Variants in RUNDC3B observed in about 807,000 individuals in gnomAD.
RUNDC3B encodes the protein RUN domain-containing protein 3B.
Under a neutral mutation model 58.4 loss-of-function variants are expected in RUNDC3B, and 33 were observed. The ratio of observed to expected loss-of-function variants is 0.56; its 90% CI spans 0.43 to 0.75. The LOEUF (loss-of-function observed/expected upper bound fraction) is 0.75. RUNDC3B is among the 30% of genes least tolerant of loss of function. The pLI is 0.00. For synonymous variants in RUNDC3B, 193 were observed against 195.2 expected, an observed-to-expected ratio of 0.99 and a Z score of 0.10; for missense variants, 501 against 535.7, an observed-to-expected ratio of 0.94 and a Z score of 0.64.
intron 2 of RUNDC3B, among the ~76,000 whole-genome samples, chr7:87,689,132 A>G (rs1360774288): frequency 1.3e-5 from 2 of 152,090 alleles, no homozygotes; most frequent in African/African-American, 2.4e-5. Context: ...AGATGATACT[A>G]TGAAAAGAGT....
At chr7:87,680,323 A>C (rs1271209387) in intron 2 of RUNDC3B, among the ~76,000 whole-genome samples, 1 of 150,776 alleles carries the variant, frequency 6.6e-6, no homozygotes, top group Non-Finnish European at 1.5e-5. Context: ...TAACTCTTGG[A>C]TCAAAGAGGG....
chr7:87,659,650 T>A (rs570900982), intron 2 of RUNDC3B, among the ~76,000 whole-genome samples: 1 of 152,154 alleles, frequency 6.6e-6, no homozygotes, highest in African/African-American at 2.4e-5. Flanking sequence ...ATAGTGTAGA[T>A]ACAGTTTGCT....
intron 2 of RUNDC3B, among the ~76,000 whole-genome samples, chr7:87,679,822 A>G (rs779085543): frequency 3.3e-5 from 5 of 150,798 alleles, no homozygotes; most frequent in Non-Finnish European, 5.9e-5. Flanking sequence ...ATTTAAAAGA[A>G]TTGAAATCAT....
At chr7:87,749,299 G>T (rs1006561605) in intron 6 of RUNDC3B, among the ~76,000 whole-genome samples, 1 of 152,094 alleles carries the variant, frequency 6.6e-6, no homozygotes, top group East Asian at 1.9e-4. Flanking sequence ...TTCTCATGAT[G>T]TACCATCATA....
Position 87,830,246 on chromosome 7 carries a change from G to T in RUNDC3B, c.*216G>T. On this transcript the variant is annotated 3_prime_UTR_variant, in exon 11 of 11. Transcript: ENST00000394654. ...AATTCTTACATTTGTCATTGAGAAAGTTCAAAATGGAATAGGCTTTAAAAA... is the reference window on the plus strand; with the variant it reads ...AATTCTTACATTTGTCATTGAGAAATTTCAAAATGGAATAGGCTTTAAAAA... The T allele has an allele frequency of 3.1e-6, 1 of 320,680 alleles. No homozygotes were observed. The highest frequency in any genetic ancestry group is 5.6e-6 in the Non-Finnish European group (1 of 178,022). The allele number at this position is 320,680 out of a possible 1,614,324, so 19.9% of individuals were successfully genotyped here.
intron 4 of RUNDC3B, among the ~76,000 whole-genome samples, chr7:87,716,967 T>C (rs557847766): frequency 6.6e-6 from 1 of 152,294 alleles, no homozygotes; most frequent in South Asian, 2.1e-4. Flanking sequence ...TGGCTAACTT[T>C]TAAAACTGGT....
chr7:87,730,946 A>G (rs1304202385), intron 4 of RUNDC3B, among the ~76,000 whole-genome samples: 3 of 152,088 alleles, frequency 2.0e-5, no homozygotes, highest in African/African-American at 7.2e-5. Context: ...ACATTTTCCC[A>G]TATCTTACCT....
intron 10 of RUNDC3B, among the ~76,000 whole-genome samples, chr7:87,821,716 G>A (rs934815677): frequency 3.3e-5 from 5 of 152,174 alleles, no homozygotes; most frequent in African/African-American, 1.2e-4. Context: ...GAACAGAACA[G>A]AACCCTCAGA....
chr7:87,772,391 C>T (rs977042663), intron 7 of RUNDC3B, among the ~76,000 whole-genome samples: 1 of 151,548 alleles, frequency 6.6e-6, no homozygotes, highest in Non-Finnish European at 1.5e-5. Flanking sequence ...CACAGTAGAA[C>T]ACTATTACAT....
chr7:87,768,330 C>CTAGA (rs1246865972), intron 6 of RUNDC3B, among the ~76,000 whole-genome samples: 1 of 152,196 alleles, frequency 6.6e-6, no homozygotes, highest in African/African-American at 2.4e-5. Flanking sequence ...ACACCGAGGA[C>CTAGA]TAGATCTCCA....
intron 3 of RUNDC3B, among the ~76,000 whole-genome samples, chr7:87,702,632 A>G (rs1338075052): frequency 3.3e-5 from 5 of 152,140 alleles, no homozygotes; most frequent in Non-Finnish European, 7.4e-5. Context: ...CTTGTGATAC[A>G]GTAAATTTGG....
At chr7:87,802,247 G>T (rs79745008) in intron 8 of RUNDC3B, among the ~76,000 whole-genome samples, 2,061 of 152,044 alleles carry the variant, frequency 0.014, 49 homozygotes, top group African/African-American at 0.047. Context: ...GCAAAACTTA[G>T]CTGGTCATGG....
At chr7:87,717,323 AAGAAAAACAAAC>A (rs1443357186) in intron 4 of RUNDC3B, among the ~76,000 whole-genome samples, 3 of 151,974 alleles carry the variant, frequency 2.0e-5, no homozygotes, top group African/African-American at 7.3e-5. Flanking sequence ...TAAACAAGAT[AAGAAAAACAAAC>A]AGAAAAAATA....
At chr7:87,644,154 C>A (rs570492832) in intron 1 of RUNDC3B, among the ~76,000 whole-genome samples, 2 of 152,372 alleles carry the variant, frequency 1.3e-5, no homozygotes, top group East Asian at 3.9e-4. Context: ...CCACCGTGCC[C>A]AGACCTGCAA....
At chr7:87,636,548 T>C (rs1248536067) in intron 1 of RUNDC3B, among the ~76,000 whole-genome samples, 2 of 152,346 alleles carry the variant, frequency 1.3e-5, no homozygotes, top group African/African-American at 4.8e-5. Context: ...TTTTGATGAA[T>C]AGAAATTTCT....
intron 2 of RUNDC3B, among the ~76,000 whole-genome samples, chr7:87,668,318 G>A (rs1244501230): frequency 1.3e-5 from 2 of 151,902 alleles, no homozygotes; most frequent in African/African-American, 4.8e-5. Flanking sequence ...TGTTTCTGTG[G>A]GGTCAGTAGT....
intron 1 of RUNDC3B, among the ~76,000 whole-genome samples, chr7:87,632,901 AC>A (rs2130207998): frequency 6.6e-6 from 1 of 152,330 alleles, no homozygotes; most frequent in East Asian, 1.9e-4. Context: ...TTTAAGAGAA[AC>A]TTCCCATGCA....
intron 6 of RUNDC3B, among the ~76,000 whole-genome samples, chr7:87,748,066 C>T (rs1193881572): frequency 6.6e-6 from 1 of 152,204 alleles, no homozygotes; most frequent in African/African-American, 2.4e-5. Context: ...GGAGTTTTAG[C>T]CCCTGCTCCT....
chr7:87,811,916 AC>A (rs1386562084), intron 9 of RUNDC3B, among the ~76,000 whole-genome samples: 2 of 152,188 alleles, frequency 1.3e-5, no homozygotes, highest in African/African-American at 4.8e-5. Flanking sequence ...AAAACAAAGA[AC>A]AAAAAGTACA....
Sources: gnomAD v4.1 joint callset for allele counts (sites outside exome capture counted in the v4.1 genomes callset) on GRCh38, gnomAD v4.1.1 for gene constraint, MANE v1.5 for transcripts, NCBI Gene and HGNC (gene_info 2026-07-23, HGNC 2026-07-21) for gene names.